Variants in NEK6 observed in about 807,000 individuals in gnomAD.
NEK6 encodes the protein serine/threonine-protein kinase Nek6.
A neutral mutation model predicts 43.5 loss-of-function variants in NEK6; 27 were observed. The ratio of observed to expected loss-of-function variants is 0.62; its 90% CI spans 0.46 to 0.86. The LOEUF is 0.86. NEK6 is among the 40% of genes least tolerant of loss of function. The pLI, the probability that NEK6 is intolerant of heterozygous loss-of-function variation, is 0.00. For missense variants in NEK6, 318 were observed against 414.4 expected, an observed-to-expected ratio of 0.77 and a Z score of 2.02; for synonymous variants, 167 against 164.1, an observed-to-expected ratio of 1.02 and a Z score of -0.14.
intron 1 of NEK6, among the ~76,000 whole-genome samples, chr9:124,274,078 C>CCCA (rs1177542156): frequency 6.6e-6 from 1 of 152,186 alleles, no homozygotes; most frequent in African/African-American, 2.4e-5. Context: ...GGGACAGAGG[C>CCCA]AGGATTGGCC....
intron 1 of NEK6, among the ~76,000 whole-genome samples, chr9:124,301,119 G>T (rs1832951160): frequency 6.6e-6 from 1 of 152,208 alleles, no homozygotes; most frequent in Non-Finnish European, 1.5e-5. Context: ...GAAGCATCCC[G>T]GTGGCTGGGT....
intron 6 of NEK6, among the ~76,000 whole-genome samples, chr9:124,327,040 G>T (rs1456482633): frequency 1.3e-5 from 2 of 152,210 alleles, no homozygotes; most frequent in African/African-American, 2.4e-5. Context: ...GCGAGGCACT[G>T]TTCTAGGCAT....
Position 124,326,213 on chromosome 9 carries a change from C to CCCCCCCCCCCCCCCCCA in NEK6, c.406-117_406-116insCCCCCCCCCCCCCCCCA. The CCCCCCCCCCCCCCCCCA allele has an allele frequency of 5.6e-6, 1 of 178,956 alleles. No individual in the cohort carries two copies. Among genetic ancestry groups the CCCCCCCCCCCCCCCCCA allele is most frequent in the Non-Finnish European group, 1.3e-5 (1 of 74,258 alleles). The allele number at this position is 178,956 out of a possible 1,614,324, so 11.1% of individuals were successfully genotyped here. A position where few individuals can be genotyped will look rare whatever the true frequency, so the allele number is the denominator to read the frequency against. On this transcript the variant is annotated intron_variant, in intron 5 of 9. Transcript: ENST00000320246. The surrounding 1 kb of genome is among the most constrained non-coding windows in gnomAD (Gnocchi z 4.5). ...GCTCAGTGGCTCAATCCCCCCCCCC[C>CCCCCCCCCCCCCCCCCA]GCCCCTGCCAGGCACCAGTTACCCA...
At chr9:124,291,451 A>T (rs1832414295) in intron 1 of NEK6, among the ~76,000 whole-genome samples, 2 of 152,106 alleles carry the variant, frequency 1.3e-5, no homozygotes, top group African/African-American at 4.8e-5. Context: ...ACATGGAGAA[A>T]CCCCATCTCT....
chr9:124,269,904 A>T (rs893465297), intron 1 of NEK6, among the ~76,000 whole-genome samples: 4 of 152,130 alleles, frequency 2.6e-5, no homozygotes, highest in Admixed American at 2.6e-4. Flanking sequence ...CTCTCCCTGC[A>T]GTGCCCTGGG....
At chr9:124,348,666 A>G (rs746522856) in intron 9 of NEK6, among the ~76,000 whole-genome samples, 1 of 152,234 alleles carries the variant, frequency 6.6e-6, no homozygotes, top group Non-Finnish European at 1.5e-5. Context: ...CCACCATCCA[A>G]AGTGGCCAAT....
At chr9:124,333,842 A>G (rs973557706) in intron 7 of NEK6, among the ~76,000 whole-genome samples, 3 of 139,350 alleles carry the variant, frequency 2.2e-5, no homozygotes, top group African/African-American at 8.2e-5. Context: ...CAGTGGTGCG[A>G]TCTCGGCTCA....
intron 6 of NEK6, 73 bp from the exon 7 acceptor site, chr9:124,327,265 C>T (rs974533097): frequency 1.6e-6 from 2 of 1,241,702 alleles, no homozygotes; most frequent in African/African-American, 2.9e-5. Context: ...ACCTTCCTCC[C>T]CCTTCCTCTC....
intron 2 of NEK6, among the ~76,000 whole-genome samples, chr9:124,310,760 G>A (rs563256033): frequency 3.9e-5 from 6 of 152,214 alleles, no homozygotes; most frequent in African/African-American, 7.2e-5. Context: ...CACCACACCC[G>A]GCTAATTTTT....
intron 2 of NEK6, 100 bp from the exon 3 acceptor site, chr9:124,312,409 A>C: frequency 7.5e-7 from 1 of 1,341,116 alleles, no homozygotes; most frequent in South Asian, 1.5e-5. Flanking sequence ...TCCCTCCTTC[A>C]CCTTAGAGGG....
intron 1 of NEK6, among the ~76,000 whole-genome samples, chr9:124,266,918 GAGGAA>G (rs1588436277): frequency 1.3e-5 from 2 of 152,306 alleles, no homozygotes; most frequent in East Asian, 3.9e-4. Flanking sequence ...TTCCAATGAG[GAGGAA>G]CCTAAGCCCA....
rs949659416 is a variant in NEK6 at position 124,326,152 on chromosome 9, G to A, written c.406-178G>A. 5.3e-5 allele frequency among the ~76,000 whole-genome samples: 8 copies of A among 152,014 alleles called. No homozygotes were observed. Among genetic ancestry groups the A allele is most frequent in the African/African-American group, 9.7e-5 (4 of 41,386 alleles). ...GTGCCATTCAGGCAGAAGTAGAGGC[G>A]TGGACACAGCACTCTTGGTTCTGGG... is the stretch of plus-strand genomic sequence containing the variant. On this transcript the variant is annotated intron_variant, in intron 5 of 9. Transcript: ENST00000320246. The surrounding 1 kb of genome is among the most constrained non-coding windows in gnomAD (Gnocchi z 4.5).
intron 8 of NEK6, among the ~76,000 whole-genome samples, chr9:124,341,221 T>C (rs1254531318): frequency 6.6e-6 from 1 of 152,220 alleles, no homozygotes; most frequent in Non-Finnish European, 1.5e-5. Flanking sequence ...TTTCGTATTT[T>C]TTGGTAGAGA....
chr9:124,327,303 T>A, intron 6 of NEK6, 35 bp from the exon 7 acceptor site: 1 of 1,563,722 alleles, frequency 6.4e-7, no homozygotes, highest in African/African-American at 1.4e-5. Flanking sequence ...CCAAGCCTCC[T>A]ACCCCACACC....
intron 7 of NEK6, among the ~76,000 whole-genome samples, chr9:124,336,983 G>A (rs1408882458): frequency 3.6e-5 from 5 of 139,536 alleles, no homozygotes; most frequent in South Asian, 2.6e-4. Context: ...GCGACAGAGC[G>A]AGACTCTGTC....
intron 7 of NEK6, among the ~76,000 whole-genome samples, chr9:124,332,914 G>T (rs1829086311): frequency 6.6e-6 from 1 of 152,170 alleles, no homozygotes; most frequent in Admixed American, 6.5e-5. Flanking sequence ...CCACCAAGAG[G>T]AGGGGGCGGT....
chr9:124,327,077 CAGG>C (rs1191827690), intron 6 of NEK6, among the ~76,000 whole-genome samples: 1 of 152,204 alleles, frequency 6.6e-6, no homozygotes, highest in African/African-American at 2.4e-5. Flanking sequence ...GAGCAGGAAA[CAGG>C]AGCACAGAAA....
At position 124,323,242 on chromosome 9, in the gene NEK6, A is replaced by G. The variant is rs546533679; in HGVS notation, c.405+1673A>G. Reference sequence around the variant, plus strand: ...GGAGTCAGAGAAGGCTTCCTGGAGGAGGTGACACTGAGCTGAGCTGTTAGG... The same window carrying G: ...GGAGTCAGAGAAGGCTTCCTGGAGGGGGTGACACTGAGCTGAGCTGTTAGG... On this transcript the variant is annotated intron_variant, in intron 5 of 9. Coordinates refer to ENST00000320246, the MANE Select transcript of NEK6 (RefSeq NM_014397.6). Among the ~76,000 whole-genome samples the G allele has an allele frequency of 3.9e-4, 59 of 152,256 alleles. No homozygotes were observed. In the South Asian group the frequency reaches 5.4e-3, roughly 14 times the overall value.
At chr9:124,258,320 GGT>G in intron 1 of NEK6, 1 of 985,238 alleles carries the variant, frequency 1.0e-6, no homozygotes, top group Non-Finnish European at 1.2e-6. Context: ...GTCCCCGGCG[GGT>G]GTGCGTGTGC....
Sources: allele counts gnomAD v4.1 joint callset (sites outside exome capture counted in the v4.1 genomes callset), GRCh38; gene constraint gnomAD v4.1.1; non-coding constraint Gnocchi (gnomAD v3.1); transcripts MANE v1.5; gene names NCBI Gene and HGNC (gene_info 2026-07-23, HGNC 2026-07-21).